SYN1: variants seen among roughly 807,000 people sequenced by gnomAD.
The protein encoded by SYN1 is synapsin-1.
A neutral mutation model predicts 44.6 loss-of-function variants in SYN1; 8 were observed. That is an observed-to-expected ratio of 0.18 (90% CI 0.11 to 0.32). The LOEUF is 0.32. Among genes scored for constraint, SYN1 ranks in the 10% least tolerant of loss-of-function variants. SYN1 has a pLI of 1.00. For missense variants in SYN1, 451 were observed against 639.4 expected (o/e 0.71, Z 3.18); for synonymous variants, 275 against 280.1 (o/e 0.98, Z 0.18).
At chrX:47,575,851 A>C (rs1178399157) in intron 9 of SYN1, among the ~76,000 whole-genome samples, 5 of 111,943 alleles carry the variant, frequency 4.5e-5, no homozygotes, top group Non-Finnish European at 9.4e-5. Flanking sequence ...AGAATACTTT[A>C]AAGGTTACTA....
chrX:47,605,580 C>T (rs2057894121), intron 3 of SYN1, among the ~76,000 whole-genome samples: 1 of 112,001 alleles, frequency 8.9e-6, no homozygotes, highest in African/African-American at 3.2e-5. Context: ...CTTTAAGCCT[C>T]TCCTACCTGT....
At position 47,576,028 on chromosome X, in the gene SYN1, G is replaced by A. The variant is rs892819014; in HGVS notation, c.1158+103C>T. ...CACCTTACAGTGTACTAAGCACATT[G>A]CTGTTGGCTGAGGACCTCTGTGCCA... is the stretch of plus-strand genomic sequence containing the variant. On this transcript the variant is annotated intron_variant, in intron 9 of 12. Coordinates refer to ENST00000295987, the MANE Select transcript of SYN1 (RefSeq NM_006950.3). 12 of 836,842 alleles carry A rather than the reference G, an allele frequency of 1.4e-5. No homozygotes were observed. In the African/African-American group the frequency reaches 2.2e-4, roughly 16 times the overall value. 69.0% of individuals were successfully genotyped at this position (836,842 alleles called of 1,213,427 possible).
Position 47,619,518 on chromosome X carries a change from A to G in SYN1, c.211T>C (p.Ser71Pro), listed in dbSNP as rs1159921021. 2.5e-6 allele frequency: 3 copies of G among 1,196,291 alleles called. No individual in the cohort carries two copies. In the Admixed American group the frequency reaches 6.6e-5, roughly 26 times the overall value. Residue 71 changes from serine to proline, a missense_variant, in exon 1 of 13, where the codon TCG (serine) becomes CCG (proline). This residue lies in a region of SYN1 where 315 missense variants were observed against 451.4 expected (regional missense o/e 0.70). Coordinates refer to ENST00000295987, the MANE Select transcript of SYN1 (RefSeq NM_006950.3). ...GACGAGAAGAAGCCACCGCCCCCCG[A>G]GGACCCGGGGCTAGGGGCGGCCGGA... is the stretch of plus-strand genomic sequence containing the variant. ...ASPAAPSPGSSGGGGFFSSLS... is the reference protein window; with the variant it reads ...ASPAAPSPGSPGGGGFFSSLS...
At chrX:47,610,758 G>A (rs1049744213) in intron 1 of SYN1, among the ~76,000 whole-genome samples, 2 of 110,809 alleles carry the variant, frequency 1.8e-5, no homozygotes, top group African/African-American at 6.6e-5. Context: ...GAAACCTGGA[G>A]TAAACAATGG....
chrX:47,582,249 G>A (rs185027572), intron 5 of SYN1: 2 of 128,761 alleles, frequency 1.6e-5, no homozygotes, highest in East Asian at 2.5e-4. Context: ...GGCCCAGGGA[G>A]AGGGAGAGGA....
intron 5 of SYN1, chrX:47,586,718 C>T (rs1164956988): frequency 8.4e-7 from 1 of 1,197,516 alleles, no homozygotes; most frequent in African/African-American, 1.7e-5. Context: ...AAGCTGAAGC[C>T]TGCACAGTGT....
intron 1 of SYN1, among the ~76,000 whole-genome samples, chrX:47,611,858 T>G (rs974479655): frequency 4.3e-5 from 4 of 93,216 alleles, no homozygotes; most frequent in Non-Finnish European, 8.9e-5. Flanking sequence ...GGACAGCCCC[T>G]CCAAAGAATA....
chrX:47,577,713 C>A (rs2057782438), intron 5 of SYN1, among the ~76,000 whole-genome samples: 1 of 110,844 alleles, frequency 9.0e-6, no homozygotes, highest in Admixed American at 9.6e-5. Flanking sequence ...TCTGTCTGTC[C>A]CTCACTCCAC....
intron 5 of SYN1, 56 bp downstream of exon 5, chrX:47,604,919 ATAT>A: frequency 9.9e-7 from 1 of 1,005,483 alleles, no homozygotes; most frequent in Admixed American, 2.2e-5. Context: ...CCAATATTTA[ATAT>A]TATTGCAGTA....
intron 5 of SYN1, among the ~76,000 whole-genome samples, chrX:47,593,549 G>A (rs998367798): frequency 8.9e-6 from 1 of 111,733 alleles, no homozygotes; most frequent in African/African-American, 3.3e-5. Context: ...GATTATAGCC[G>A]TGAGCCACTG....
At chrX:47,580,145 T>C (rs913661516) in intron 5 of SYN1, among the ~76,000 whole-genome samples, 1 of 107,982 alleles carries the variant, frequency 9.3e-6, no homozygotes, top group Non-Finnish European at 1.9e-5. Flanking sequence ...TCGGGATTGA[T>C]TAAATGAGAT....
At chrX:47,612,124 G>A (rs182863273) in intron 1 of SYN1, among the ~76,000 whole-genome samples, 2 of 111,641 alleles carry the variant, frequency 1.8e-5, no homozygotes, top group Non-Finnish European at 3.8e-5. Flanking sequence ...TACTGGAGGT[G>A]TCAGTAGTGG....
chrX:47,607,344 G>C (rs1277290505), intron 1 of SYN1, 146 bp from the exon 2 acceptor site: 1 of 512,531 alleles, frequency 2.0e-6, no homozygotes, highest in Non-Finnish European at 3.2e-6. Flanking sequence ...AAAAAATCAA[G>C]AGTGCTTTGT....
At chrX:47,582,618 G>A (rs1327475961) in intron 5 of SYN1, 1 of 358,943 alleles carries the variant, frequency 2.8e-6, no homozygotes, top group Non-Finnish European at 5.6e-6. Context: ...TAGTCTAGGG[G>A]GAAGAGGGTC....
chrX:47,585,121 T>TG, intron 5 of SYN1: 1 of 1,166,581 alleles, frequency 8.6e-7, no homozygotes, highest in Non-Finnish European at 1.2e-6. Context: ...GCTGTGATCT[T>TG]GGGATGCTAT....
chrX:47,605,026 T>C lies in SYN1; in HGVS notation c.726A>G (p.Glu242=), dbSNP rs1374307228. The change falls in exon 5 of 13, where the codon GAA becomes GAG. Residue 242 remains glutamate (E), a synonymous_variant. Transcript: ENST00000295987. ...AGGTCTGATCAATTAGAGGGAATTC[T>C]TCTGTCCCCAGTTTCTTATGCAGTC... The part of the protein sequence containing the change: ...MVRLHKKLGT[E]EFPLIDQTFY... The C allele has an allele frequency of 6.6e-6, 8 of 1,212,275 alleles. No homozygotes were observed. The highest frequency in any genetic ancestry group is 7.8e-6 in the Non-Finnish European group (7 of 895,621).
At chrX:47,610,196 C>T (rs1412578028) in intron 1 of SYN1, among the ~76,000 whole-genome samples, 1 of 111,186 alleles carries the variant, frequency 9.0e-6, no homozygotes, top group Non-Finnish European at 1.9e-5. Context: ...GGTGGCGGAG[C>T]TTCGGAGAAA....
intron 5 of SYN1, chrX:47,585,643 C>A: frequency 8.3e-7 from 1 of 1,203,760 alleles, no homozygotes; most frequent in Non-Finnish European, 1.1e-6. Flanking sequence ...CCAAGACCTA[C>A]ACTGTTGGCT....
At position 47,600,702 on chromosome X, in the gene SYN1, T is replaced by C. The variant is rs770185210; in HGVS notation, c.774+4276A>G. ...TACAAAATATGTTCTCTGACCACAA[T>C]GGAATGAAATTAGACATCAAAAACA... is the stretch of plus-strand genomic sequence containing the variant. On this transcript the variant is annotated intron_variant, in intron 5 of 12. Coordinates refer to ENST00000295987, the MANE Select transcript of SYN1 (RefSeq NM_006950.3). Among the ~76,000 whole-genome samples, 4 of 111,735 alleles carry C rather than the reference T, an allele frequency of 3.6e-5. No homozygotes were observed. In the East Asian group the frequency reaches 1.1e-3, roughly 31 times the overall value.
Sources: allele counts gnomAD v4.1 joint callset (sites outside exome capture counted in the v4.1 genomes callset), GRCh38; gene constraint gnomAD v4.1.1; regional missense constraint gnomAD v4.1.1; transcripts MANE v1.5; gene names NCBI Gene and HGNC (gene_info 2026-07-23, HGNC 2026-07-21).